The following SCAMP1 variants were observed in gnomAD, a reference collection of about 807,000 sequenced individuals.
SCAMP1 encodes secretory carrier-associated membrane protein 1.
SCAMP1 carries 15 observed loss-of-function variants against 41.8 expected under a neutral mutation model. The observed-to-expected ratio is 0.36, with a 90% CI of 0.24 to 0.55. The LOEUF is 0.55. SCAMP1 is among the 20% of genes least tolerant of loss of function. The probability of loss-of-function intolerance (pLI) is 0.86; values close to 1 mark genes in which losing one functional copy is unlikely to be tolerated. For synonymous variants in SCAMP1, 135 were observed against 136.8 expected (o/e 0.99, Z 0.09); for missense variants, 341 against 412.6 (o/e 0.83, Z 1.50).
At chr5:78,381,908 T>C (rs554164858) in intron 1 of SCAMP1, among the ~76,000 whole-genome samples, 5 of 152,282 alleles carry the variant, frequency 3.3e-5, no homozygotes, top group South Asian at 4.2e-4. Flanking sequence ...TTATAGTTTG[T>C]GTAGAGCCTC....
chr5:78,466,846 A>T (rs1226044427), intron 8 of SCAMP1, among the ~76,000 whole-genome samples: 4 of 152,174 alleles, frequency 2.6e-5, no homozygotes, highest in African/African-American at 9.7e-5. Flanking sequence ...TAGGAAGCTG[A>T]TTAGTAATGA....
rs1187258303 is a variant in SCAMP1 at position 78,476,558 on chromosome 5, T to C, written c.*890T>C. 1 of 152,594 alleles carries C rather than the reference T, an allele frequency of 6.6e-6. No individual in the cohort carries two copies. The highest frequency in any genetic ancestry group is 1.5e-5 in the Non-Finnish European group (1 of 67,986). 9.5% of individuals were successfully genotyped at this position (152,594 alleles called of 1,614,324 possible). The stretch of plus-strand genomic sequence containing the variant: ...CTTTGGTATATTCTGTGGTTACAAC[T>C]AAGATTGTGTCTGGCAGCTCTTTTT... On this transcript the variant is annotated 3_prime_UTR_variant, in exon 9 of 9. Coordinates refer to ENST00000621999, the MANE Select transcript of SCAMP1 (RefSeq NM_004866.6).
Position 78,460,792 on chromosome 5 carries a change from C to CTTTCTTT in SCAMP1, c.852+1430_852+1431insTTTCTTT, listed in dbSNP as rs1455953441. Among the ~76,000 whole-genome samples the CTTTCTTT allele has an allele frequency of 8.4e-3, 289 of 34,608 alleles. 19 individuals carry two copies. The highest frequency in any genetic ancestry group is 0.078 in the East Asian group (60 of 774). 22.7% of individuals were successfully genotyped at this position (34,608 alleles called of 152,430 possible). Reference sequence around the variant, plus strand: ...TCCTTCCTTCCTTCCTTCCTTCCTTCCTTCCTTCCTTCCTCCCTTCCTTCC... The same window carrying CTTTCTTT: ...TCCTTCCTTCCTTCCTTCCTTCCTTCTTTCTTTCTTCCTTCCTTCCTCCCTTCCTTCC... On this transcript the variant is annotated intron_variant, in intron 8 of 8. Coordinates refer to ENST00000621999, the MANE Select transcript of SCAMP1 (RefSeq NM_004866.6).
intron 6 of SCAMP1, among the ~76,000 whole-genome samples, chr5:78,437,012 T>G (rs1318649848): frequency 6.6e-6 from 1 of 152,212 alleles, no homozygotes; most frequent in Non-Finnish European, 1.5e-5. Context: ...CACTCACAAT[T>G]TGGCTCTCTG....
intron 6 of SCAMP1, among the ~76,000 whole-genome samples, chr5:78,430,512 T>G (rs1056899131): frequency 6.6e-6 from 1 of 151,744 alleles, no homozygotes; most frequent in Non-Finnish European, 1.5e-5. Flanking sequence ...AGATTTTTTT[T>G]TCCCAAAGCG....
At chr5:78,469,131 T>C (rs921082266) in intron 8 of SCAMP1, among the ~76,000 whole-genome samples, 6 of 152,158 alleles carry the variant, frequency 3.9e-5, no homozygotes, top group African/African-American at 1.4e-4. Flanking sequence ...ATCTATACTT[T>C]CTTGAAAATA....
intron 1 of SCAMP1, among the ~76,000 whole-genome samples, chr5:78,366,478 A>G (rs11746881): frequency 0.28 from 42,903 of 151,912 alleles, 6,376 homozygotes; most frequent in East Asian, 0.54. Context: ...TATTAATCCC[A>G]TTCTTGAGAG....
intron 8 of SCAMP1, among the ~76,000 whole-genome samples, chr5:78,465,068 C>T (rs540389899): frequency 6.6e-6 from 1 of 152,286 alleles, no homozygotes; most frequent in South Asian, 2.1e-4. Context: ...GACCCAGCTC[C>T]GATCTTGCTG....
rs971539457 is a variant in SCAMP1, at chr5:78,476,943, A to G, written c.*1275A>G. Reference sequence around the variant, plus strand: ...ATTCTTGGGTTCAACCTTTGAATCAATTTTACCACTGATTAAATAAATGAC... The same window carrying G: ...ATTCTTGGGTTCAACCTTTGAATCAGTTTTACCACTGATTAAATAAATGAC... On this transcript the variant is annotated 3_prime_UTR_variant, in exon 9 of 9. Transcript: ENST00000621999. 2.6e-5 allele frequency: 4 copies of G among 152,154 alleles called. No homozygotes were observed. Among genetic ancestry groups the G allele is most frequent in the South Asian group, 2.1e-4 (1 of 4,834 alleles). 9.4% of individuals were successfully genotyped at this position (152,154 alleles called of 1,614,324 possible). A position where few individuals can be genotyped will look rare whatever the true frequency, so the allele number is the denominator to read the frequency against.
intron 2 of SCAMP1, among the ~76,000 whole-genome samples, chr5:78,395,583 C>T (rs565984371): frequency 6.6e-6 from 1 of 152,292 alleles, no homozygotes; most frequent in East Asian, 1.9e-4. Context: ...GCATTCTCAT[C>T]TAGAGGTTTA....
intron 8 of SCAMP1, among the ~76,000 whole-genome samples, chr5:78,472,260 C>CT (rs1159655254): frequency 2.0e-5 from 3 of 151,880 alleles, no homozygotes; most frequent in African/African-American, 7.3e-5. Context: ...CTTTTTGATA[C>CT]TTTATGTTCT....
chr5:78,465,212 A>T (rs1281981766), intron 8 of SCAMP1, among the ~76,000 whole-genome samples: 1 of 152,132 alleles, frequency 6.6e-6, no homozygotes, highest in Non-Finnish European at 1.5e-5. Flanking sequence ...CTTATGGTGC[A>T]TGTATTCTGG....
At chr5:78,415,667 A>G in intron 3 of SCAMP1, 49 bp downstream of exon 3, 1 of 1,139,832 alleles carries the variant, frequency 8.8e-7, no homozygotes, top group Non-Finnish European at 1.3e-6. Context: ...TATAATATCA[A>G]TAACATTTGC....
chr5:78,423,606 C>T (rs1246370385), intron 6 of SCAMP1, among the ~76,000 whole-genome samples: 8 of 151,752 alleles, frequency 5.3e-5, no homozygotes, highest in East Asian at 3.9e-4. Flanking sequence ...CCTTCTGTTA[C>T]TTATGTAGCC....
intron 1 of SCAMP1, among the ~76,000 whole-genome samples, 160 bp from the exon 2 acceptor site, chr5:78,388,677 T>G (rs1751408039): frequency 6.6e-6 from 1 of 152,286 alleles, no homozygotes; most frequent in African/African-American, 2.4e-5. Context: ...AATTTCACCA[T>G]TGTTGAAATG....
At chr5:78,436,818 A>G (rs1467548239) in intron 6 of SCAMP1, among the ~76,000 whole-genome samples, 4 of 152,140 alleles carry the variant, frequency 2.6e-5, no homozygotes, top group African/African-American at 9.7e-5. Flanking sequence ...CTTGGGCAGT[A>G]TGGCCATTTT....
intron 1 of SCAMP1, among the ~76,000 whole-genome samples, chr5:78,365,001 T>C (rs1205944740): frequency 1.3e-5 from 2 of 151,964 alleles, no homozygotes; most frequent in Admixed American, 6.5e-5. Context: ...TGTGCACATG[T>C]ACCCTAGAAG....
chr5:78,463,956 G>A (rs1008237144), intron 8 of SCAMP1, among the ~76,000 whole-genome samples: 3 of 151,778 alleles, frequency 2.0e-5, no homozygotes, highest in Admixed American at 6.6e-5. Context: ...ATTTTTGTCA[G>A]TGCTGTGATT....
intron 2 of SCAMP1, 134 bp from the exon 3 acceptor site, chr5:78,415,386 A>T (rs921699099): frequency 4.9e-6 from 3 of 612,378 alleles, no homozygotes; most frequent in Non-Finnish European, 8.7e-6. Flanking sequence ...TTTGCCACAC[A>T]CTTGACTATG....
Sources: allele counts gnomAD v4.1 joint callset (sites outside exome capture counted in the v4.1 genomes callset), GRCh38; gene constraint gnomAD v4.1.1; transcripts MANE v1.5; gene names NCBI Gene and HGNC (gene_info 2026-07-23, HGNC 2026-07-21).